TMEM40: variants seen among roughly 807,000 people sequenced by gnomAD.
TMEM40 encodes transmembrane protein 40.
TMEM40 carries 34 observed loss-of-function variants against 40.8 expected under a neutral mutation model. That is an observed-to-expected ratio of 0.83 (90% confidence interval 0.63 to 1.11). The LOEUF (loss-of-function observed/expected upper bound fraction) is 1.11. Ranked by LOEUF, TMEM40 falls within the 50% of genes least tolerant of loss-of-function variation. TMEM40 has a pLI of 0.00. For synonymous variants in TMEM40, 106 were observed against 107.0 expected, an observed-to-expected ratio of 0.99 and a Z score of 0.06; for missense variants, 296 against 280.2, an observed-to-expected ratio of 1.06 and a Z score of -0.40.
intron 1 of TMEM40, among the ~76,000 whole-genome samples, chr3:12,768,935 G>GGGGGGGGCGGGGGGGGC (rs1575750702): frequency 1.2e-4 from 3 of 25,262 alleles, no homozygotes; most frequent in East Asian, 4.4e-4. Context: ...GGGGCGGGGC[G>GGGGGGGGCGGGGGGGGC]GGGGGGGCGG....
Position 12,734,216 on chromosome 3 carries a change from A to G in TMEM40, c.*558T>C, listed in dbSNP as rs1056166540. The G allele has an allele frequency of 1.3e-5, 2 of 152,272 alleles. No homozygotes were observed. Among genetic ancestry groups the G allele is most frequent in the Admixed American group, 6.5e-5 (1 of 15,278 alleles). 9.4% of individuals were successfully genotyped at this position (152,272 alleles called of 1,614,324 possible). A position where few individuals can be genotyped will look rare whatever the true frequency, so the allele number is the denominator to read the frequency against. ...TTGTGAGCCCCCATGCCTGGCTGCCATTTAGTTTCTGATGATCATTTTCCT... is the reference window on the plus strand; with the variant it reads ...TTGTGAGCCCCCATGCCTGGCTGCCGTTTAGTTTCTGATGATCATTTTCCT... On this transcript the variant is annotated 3_prime_UTR_variant, in exon 12 of 12. Coordinates refer to ENST00000314124, the MANE Select transcript of TMEM40 (RefSeq NM_018306.4).
chr3:12,762,045 A>G (rs1158267490), upstream of TMEM40, among the ~76,000 whole-genome samples: 1 of 152,014 alleles, frequency 6.6e-6, no homozygotes, highest in African/African-American at 2.4e-5. Context: ...AGCTCATGGT[A>G]ACCTTGAAAT....
At chr3:12,738,870 T>C (rs58532690) in intron 5 of TMEM40, 18,176 of 414,720 alleles carry the variant, frequency 0.044, 506 homozygotes, top group Non-Finnish European at 0.057. Flanking sequence ...ATGAAAAAGT[T>C]TGGGCCGCAC....
intron 10 of TMEM40, 107 bp from the exon 11 acceptor site, chr3:12,735,724 G>A (rs2061332566): frequency 2.3e-6 from 2 of 879,280 alleles, no homozygotes; most frequent in Non-Finnish European, 3.6e-6. Flanking sequence ...TCTGATGGTG[G>A]AACTTCAGGC....
At chr3:12,769,284 C>T (rs61606491) in exon 1 of TMEM40, 149,047 of 401,254 alleles carry the variant, frequency 0.37, 30,847 homozygotes, top group Non-Finnish European at 0.46. Context: ...GCTCCGGCCT[C>T]GGCCATCCCA....
intron 1 of TMEM40, among the ~76,000 whole-genome samples, chr3:12,755,246 T>C: frequency 9.2e-6 from 1 of 108,892 alleles, no homozygotes; most frequent in Non-Finnish European, 1.8e-5. Flanking sequence ...TTTCTTTCTT[T>C]CTTTCTTTCT....
chr3:12,737,130 T>C (rs1264465944), intron 8 of TMEM40, among the ~76,000 whole-genome samples: 1 of 151,968 alleles, frequency 6.6e-6, no homozygotes, highest in Non-Finnish European at 1.5e-5. Flanking sequence ...TCCTCTCATC[T>C]CGGCCTCCCA....
chr3:12,763,955 G>A (rs190283217), upstream of TMEM40, among the ~76,000 whole-genome samples: 10 of 151,934 alleles, frequency 6.6e-5, no homozygotes, highest in East Asian at 7.7e-4. Flanking sequence ...TCACTCTGTC[G>A]CCCAGGCTGA....
In TMEM40 at chr3:12,748,581, C is replaced by G. The variant is rs199542919; in HGVS notation, c.211+74G>C. On this transcript the variant is annotated intron_variant, in intron 3 of 11. Coordinates refer to ENST00000314124, the MANE Select transcript of TMEM40 (RefSeq NM_018306.4). ...GGAGTTTCAAGTACTTCAATGACTT[C>G]AAGTATGGGGGATTATTTCCCCATG... is the stretch of plus-strand genomic sequence containing the variant. 3,205 of 1,544,348 alleles carry G rather than the reference C, an allele frequency of 2.1e-3. 19 individuals are homozygous for G. The highest frequency in any genetic ancestry group is 9.6e-3 in the South Asian group (787 of 82,024).
upstream of TMEM40, among the ~76,000 whole-genome samples, chr3:12,762,885 T>C (rs533932725): frequency 1.5e-4 from 23 of 152,258 alleles, no homozygotes; most frequent in East Asian, 4.3e-3. Context: ...TAAATGCAGC[T>C]GGGCGCGGTG....
intron 2 of TMEM40, 140 bp downstream of exon 2, chr3:12,749,620 A>T (rs1192595934): frequency 1.4e-6 from 1 of 708,776 alleles, no homozygotes; most frequent in African/African-American, 1.8e-5. Context: ...GCATGTGTGT[A>T]AAACCACTAC....
At chr3:12,744,096 GT>G in intron 3 of TMEM40, 107 bp from the exon 4 acceptor site, 1 of 1,176,812 alleles carries the variant, frequency 8.5e-7, no homozygotes. Context: ...GAAGAGTGTG[GT>G]TTGGTGGGAG....
At chr3:12,769,082 C>T (rs1411493633) in intron 1 of TMEM40, among the ~76,000 whole-genome samples, 1 of 152,086 alleles carries the variant, frequency 6.6e-6, no homozygotes, top group East Asian at 1.9e-4. Flanking sequence ...CTGGGGTACC[C>T]GGCGCACCCT....
chr3:12,755,573 C>T (rs1251796425), intron 1 of TMEM40, among the ~76,000 whole-genome samples: 2 of 151,998 alleles, frequency 1.3e-5, no homozygotes, highest in African/African-American at 4.8e-5. Context: ...AGCTCAGAAC[C>T]TATTAGTGTC....
At chr3:12,745,581 T>C (rs2061420985) in intron 3 of TMEM40, among the ~76,000 whole-genome samples, 1 of 152,182 alleles carries the variant, frequency 6.6e-6, no homozygotes, top group South Asian at 2.1e-4. Context: ...CCTGGGTAGC[T>C]GGGATTATAG....
Position 12,736,832 on chromosome 3 carries a change from T to C in TMEM40, c.476A>G (p.Glu159Gly). 4 of 1,613,922 alleles carry C rather than the reference T, an allele frequency of 2.5e-6. No homozygotes were observed. Among genetic ancestry groups the C allele is most frequent in the Non-Finnish European group, 3.4e-6 (4 of 1,179,994 alleles). ...GCACAGGAGGACGAAATGGAAAAAC[T>C]CATCTGTGAAGGCAGGGGTGGGCAA... ...LRRLNIKKDD[E>G]FFHFVLLCFA... is the part of the protein sequence containing the mutation. Residue 159 changes from glutamate to glycine, a missense_variant, in exon 9 of 12, where the codon GAG becomes GGG. Coordinates refer to ENST00000314124, the MANE Select transcript of TMEM40 (RefSeq NM_018306.4).
chr3:12,740,092 T>C (rs2061369733), intron 5 of TMEM40, among the ~76,000 whole-genome samples: 1 of 145,730 alleles, frequency 6.9e-6, no homozygotes, highest in South Asian at 2.1e-4. Context: ...ATAATATTTA[T>C]TTATTTATTT....
At chr3:12,758,620 G>C (rs2061547138) in intron 1 of TMEM40, among the ~76,000 whole-genome samples, 1 of 152,152 alleles carries the variant, frequency 6.6e-6, no homozygotes, top group African/African-American at 2.4e-5. Context: ...TCCTCCCCGG[G>C]GGTGCCTTTG....
intron 1 of TMEM40, among the ~76,000 whole-genome samples, chr3:12,768,929 CGGGGCGGGGGGGGCGGGG>C (rs776538588): frequency 7.5e-5 from 6 of 79,652 alleles, no homozygotes; most frequent in South Asian, 5.9e-4. Flanking sequence ...GGGGCCGGGG[CGGGGCGGGGGGGGCGGGG>C]GGGGCGGGGG....
Sources: gnomAD v4.1 joint callset for allele counts (sites outside exome capture counted in the v4.1 genomes callset) on GRCh38, gnomAD v4.1.1 for gene constraint, MANE v1.5 for transcripts, NCBI Gene and HGNC (gene_info 2026-07-23, HGNC 2026-07-21) for gene names.